The following HADH variants were observed in gnomAD, a reference collection of about 807,000 sequenced individuals.
HADH encodes hydroxyacyl-CoA dehydrogenase, also known as hydroxyacyl-coenzyme A dehydrogenase, mitochondrial.
In HADH, 24 loss-of-function variants were observed where a neutral mutation model predicts 32.2. The observed-to-expected ratio is 0.75, with a 90% CI of 0.54 to 1.05. HADH has a LOEUF of 1.05. Ranked by LOEUF, HADH falls within the 50% of genes least tolerant of loss-of-function variation. The pLI, the probability that HADH is intolerant of heterozygous loss-of-function variation, is 0.00. For synonymous variants in HADH, 139 were observed against 152.5 expected (o/e 0.91, Z 0.65); for missense variants, 350 against 397.1 (o/e 0.88, Z 1.01).
intron 4 of HADH, 79 bp downstream of exon 4, chr4:108,019,745 TGCCACCAGTTGCCTAG>T: frequency 6.6e-7 from 1 of 1,523,910 alleles, no homozygotes; most frequent in South Asian, 1.1e-5. Flanking sequence ...ACACCAGCCC[TGCCACCAGTTGCCTAG>T]GATGGGTTTT....
chr4:107,991,947 C>T (rs1252450654), intron 1 of HADH, among the ~76,000 whole-genome samples: 1 of 152,162 alleles, frequency 6.6e-6, no homozygotes, highest in African/African-American at 2.4e-5. Context: ...AAGTAGAAAG[C>T]GTCACTTCAA....
chr4:108,011,605 A>C (rs566286227), intron 2 of HADH, among the ~76,000 whole-genome samples: 11 of 152,330 alleles, frequency 7.2e-5, no homozygotes, highest in Non-Finnish European at 1.2e-4. Flanking sequence ...TGCTGCAGTG[A>C]ACATTGGTAT....
intron 5 of HADH, 57 bp downstream of exon 5, chr4:108,023,620 T>C: frequency 1.0e-6 from 1 of 960,314 alleles, no homozygotes; most frequent in Non-Finnish European, 1.7e-6. Flanking sequence ...GACCCTGACT[T>C]GTTCCTGGTA....
chr4:108,017,833 G>A (rs114712742), intron 3 of HADH, among the ~76,000 whole-genome samples: 3,819 of 152,268 alleles, frequency 0.025, 83 homozygotes, highest in Middle Eastern at 0.071. Context: ...ACAAGTGTGA[G>A]CCACCGTGCC....
At chr4:108,033,149 G>A in intron 6 of HADH, 27 bp from the exon 7 acceptor site, 1 of 1,061,734 alleles carries the variant, frequency 9.4e-7, no homozygotes, top group Non-Finnish European at 1.5e-6. Context: ...AGGTGGTGGT[G>A]ACCCAGTGCT....
chr4:108,033,037 C>A, intron 6 of HADH, 139 bp from the exon 7 acceptor site: 1 of 744,336 alleles, frequency 1.3e-6, no homozygotes, highest in Non-Finnish European at 2.5e-6. Flanking sequence ...GGAAATCTTA[C>A]CCAAGCCAGA....
At chr4:108,022,136 C>T (rs1446641202) in intron 4 of HADH, among the ~76,000 whole-genome samples, 1 of 148,452 alleles carries the variant, frequency 6.7e-6, no homozygotes, top group Non-Finnish European at 1.5e-5. Flanking sequence ...GATTGAAGTT[C>T]TTTACTGGCC....
chr4:108,001,930 A>G (rs995304848), intron 1 of HADH, among the ~76,000 whole-genome samples: 3 of 152,232 alleles, frequency 2.0e-5, no homozygotes, highest in Admixed American at 6.5e-5. Context: ...TTCATGCAGC[A>G]GTGGTGGTGG....
At chr4:108,021,334 G>A (rs962038680) in intron 4 of HADH, among the ~76,000 whole-genome samples, 2 of 152,214 alleles carry the variant, frequency 1.3e-5, no homozygotes, top group African/African-American at 4.8e-5. Context: ...GAAATGTAGT[G>A]TGTTGGTTGT....
At chr4:107,996,241 C>T (rs1276577453) in intron 1 of HADH, among the ~76,000 whole-genome samples, 2 of 152,198 alleles carry the variant, frequency 1.3e-5, no homozygotes, top group African/African-American at 2.4e-5. Context: ...AAAAAACCCA[C>T]TCATCATGGC....
chr4:107,995,509 A>G (rs373505715), intron 1 of HADH, among the ~76,000 whole-genome samples: 5 of 151,794 alleles, frequency 3.3e-5, no homozygotes, highest in African/African-American at 1.2e-4. Context: ...CAGCAATTCT[A>G]AAGATGTTAA....
intron 1 of HADH, among the ~76,000 whole-genome samples, chr4:107,999,597 T>C (rs1735057160): frequency 6.6e-6 from 1 of 152,252 alleles, no homozygotes; most frequent in South Asian, 2.1e-4. Context: ...TCATGACTTC[T>C]TGAGAACTTA....
chr4:108,008,114 C>G (rs1735350299), intron 1 of HADH, among the ~76,000 whole-genome samples: 1 of 152,210 alleles, frequency 6.6e-6, no homozygotes, highest in Admixed American at 6.5e-5. Context: ...GGTCCGTTGC[C>G]ACTTAGGGGA....
At chr4:108,004,780 AG>A in intron 1 of HADH, 1 of 1,535,980 alleles carries the variant, frequency 6.5e-7, no homozygotes, top group Non-Finnish European at 8.7e-7. Context: ...GAACATGTGT[AG>A]GACAGCCTTA....
At chr4:108,008,760 G>A (rs1050194532) in intron 1 of HADH, among the ~76,000 whole-genome samples, 6 of 152,138 alleles carry the variant, frequency 3.9e-5, no homozygotes, top group African/African-American at 1.4e-4. Flanking sequence ...CAGTTCTGCT[G>A]TCCTCTTGCA....
chr4:108,012,801 T>C (rs1004194055), intron 2 of HADH, among the ~76,000 whole-genome samples: 1 of 152,256 alleles, frequency 6.6e-6, no homozygotes, highest in Non-Finnish European at 1.5e-5. Context: ...TGAAGAATGT[T>C]AACAGGTCTT....
intron 1 of HADH, among the ~76,000 whole-genome samples, chr4:107,991,371 G>A (rs1458838725): frequency 6.6e-6 from 1 of 151,862 alleles, no homozygotes; most frequent in Admixed American, 6.6e-5. Context: ...CCAAGTCCAC[G>A]CTTTCATGCT....
In HADH at chr4:108,034,405, G is replaced by A; in HGVS notation, c.*48G>A. 9.3e-7 allele frequency: 1 copy of A among 1,076,374 alleles called. No individual in the cohort carries two copies. Among genetic ancestry groups the A allele is most frequent in the Non-Finnish European group, 1.5e-6 (1 of 688,926 alleles). The allele number at this position is 1,076,374 out of a possible 1,614,324, so 66.7% of individuals were successfully genotyped here. On this transcript the variant is annotated 3_prime_UTR_variant, in exon 8 of 8. Transcript: ENST00000309522. ...GAAGAACACCTGAGAGCGCTTTCCA[G>A]CCAGTGCCCCGAGTGCCTGTGGGAA...
In HADH at chr4:108,034,352, A is replaced by G. The variant is rs1736385298; in HGVS notation, c.940A>G (p.Lys314Glu). 5 of 1,567,978 alleles carry G rather than the reference A, an allele frequency of 3.2e-6. No homozygotes were observed. The African/African-American group carries it at 4.0e-5, about 13-fold the overall frequency. Residue 314 changes from lysine to glutamate, a missense_variant, in exon 8 of 8, where the codon AAG (lysine) becomes GAG (glutamate). Physicochemically the swap from Lys to Glu is moderately conservative, Grantham distance 56. Transcript: ENST00000309522. Reference protein sequence around the residue: ...KKTGEGFYKYK With the variant: ...KKTGEGFYKYE Reference sequence around the variant, plus strand: ...GACTGGAGAAGGATTTTACAAATACAAGTGATGTGCAGCTTCTCCGGCTCT... The same window carrying G: ...GACTGGAGAAGGATTTTACAAATACGAGTGATGTGCAGCTTCTCCGGCTCT...
Sources: gnomAD v4.1 joint callset for allele counts (sites outside exome capture counted in the v4.1 genomes callset) on GRCh38, gnomAD v4.1.1 for gene constraint, MANE v1.5 for transcripts, NCBI Gene and HGNC (gene_info 2026-07-23, HGNC 2026-07-21) for gene names.